The following TENM1 variants were observed in gnomAD, a reference collection of about 807,000 sequenced individuals.
The protein encoded by TENM1 is teneurin transmembrane protein 1, also known as teneurin-1.
TENM1 carries 35 observed loss-of-function variants against 174.8 expected under a neutral mutation model. The observed-to-expected ratio is 0.20, with a 90% confidence interval of 0.15 to 0.27. The LOEUF (loss-of-function observed/expected upper bound fraction) is 0.27, where lower values mean the gene tolerates loss of function less well. Among genes scored for constraint, TENM1 ranks in the 10% least tolerant of loss-of-function variants. TENM1 has a pLI of 1.00. For synonymous variants in TENM1, 781 were observed against 798.7 expected, an observed-to-expected ratio of 0.98 and a Z score of 0.37; for missense variants, 1,633 against 2,130.1, an observed-to-expected ratio of 0.77 and a Z score of 4.59.
chrX:125,124,266 A>G, the TENM1 span, among the ~76,000 whole-genome samples: 1 of 112,509 alleles, frequency 8.9e-6, no homozygotes, highest in Non-Finnish European at 1.9e-5. Context: ...TTAAAATCAC[A>G]ATTAGTGTAA....
Position 124,481,706 on chromosome X carries a change from T to TATATAC in TENM1, c.3949+25_3949+26insGTATAT, listed in dbSNP as rs774737055. 7.5e-5 allele frequency: 29 copies of TATATAC among 385,398 alleles called. 1 individual carries two copies. The South Asian group carries it at 2.3e-3, about 30-fold the overall frequency. The allele number at this position is 385,398 out of a possible 1,213,427, so 31.8% of individuals were successfully genotyped here. On this transcript the variant is annotated intron_variant, in intron 22 of 31. Transcript: ENST00000422452. ...TAGATGACCCAAGGGTATATATATA[T>TATATAC]ATATATTTATTTATTTATTTTTTAC...
At position 124,565,190 on chromosome X, in the gene TENM1, C is replaced by T. The variant is rs184860129; in HGVS notation, c.2263+185G>A. On this transcript the variant is annotated intron_variant, in intron 12 of 31. Transcript: ENST00000422452. ...AAGAAAGGAAATAACACAAGAAATA[C>T]GTAGAATGTCATCGACAAAAGAAGA... Among the ~76,000 whole-genome samples the T allele has an allele frequency of 1.1e-4, 12 of 111,768 alleles. No individual in the cohort carries two copies. In the South Asian group the frequency reaches 1.5e-3, roughly 14 times the overall value.
In TENM1 at chrX:124,599,502, T is replaced by C. The variant is rs1478432301; in HGVS notation, c.2078-33942A>G. 2.7e-5 allele frequency among the ~76,000 whole-genome samples: 3 copies of C among 110,881 alleles called. No homozygotes were observed. The East Asian group carries it at 8.5e-4, about 32-fold the overall frequency. On this transcript the variant is annotated intron_variant, in intron 11 of 31. Transcript: ENST00000422452. Reference sequence around the variant, plus strand: ...TGTGATGAGTGTGATGAGAAATGAATGGGGCCTAAGATTGTGGGACTTTAA... The same window carrying C: ...TGTGATGAGTGTGATGAGAAATGAACGGGGCCTAAGATTGTGGGACTTTAA...
the TENM1 span, among the ~76,000 whole-genome samples, chrX:125,063,956 T>G: frequency 2.7e-3 from 304 of 111,572 alleles, 4 homozygotes; most frequent in African/African-American, 9.5e-3. Flanking sequence ...GTGGCACATA[T>G]ACACCATGGA....
chrX:124,471,346 ATATAT>A (rs2061316500), intron 22 of TENM1, among the ~76,000 whole-genome samples: 2 of 10,834 alleles, frequency 1.8e-4, no homozygotes, highest in African/African-American at 3.0e-4. Context: ...TATATATAAT[ATATAT>A]TATAATATAT....
chrX:125,072,788 C>T, the TENM1 span, among the ~76,000 whole-genome samples: 211 of 111,694 alleles, frequency 1.9e-3, 5 homozygotes, highest in South Asian at 0.076. Flanking sequence ...TCTGCCATGT[C>T]ACCTTGGTTT....
rs148091554 is a variant in TENM1 at position 124,401,910 on chromosome X, T to C, written c.5391+3121A>G. ...TGTGCCTCCCACACTTGCCAGTACATTAGAGTCGATTATTTGTCCCTTTTT... is the reference window on the plus strand; with the variant it reads ...TGTGCCTCCCACACTTGCCAGTACACTAGAGTCGATTATTTGTCCCTTTTT... On this transcript the variant is annotated intron_variant, in intron 27 of 31. Coordinates refer to ENST00000422452, the Ensembl canonical transcript of TENM1. 6.3e-5 allele frequency among the ~76,000 whole-genome samples: 7 copies of C among 111,989 alleles called. No individual in the cohort carries two copies. The East Asian group carries it at 2.0e-3, about 31-fold the overall frequency.
intron 15 of TENM1, among the ~76,000 whole-genome samples, chrX:124,546,348 G>A (rs1264167982): frequency 9.0e-6 from 1 of 111,579 alleles, no homozygotes; most frequent in Non-Finnish European, 1.9e-5. Flanking sequence ...CTTCATATAA[G>A]TAAGCTTATT....
At chrX:124,724,838 A>T (rs1475254485) in intron 4 of TENM1, among the ~76,000 whole-genome samples, 2 of 111,524 alleles carry the variant, frequency 1.8e-5, no homozygotes, top group African/African-American at 6.5e-5. Context: ...CAATATGTTG[A>T]TGTTAAAAAG....
chrX:125,065,386 G>A, the TENM1 span, among the ~76,000 whole-genome samples: 2 of 111,849 alleles, frequency 1.8e-5, no homozygotes, highest in East Asian at 2.8e-4. Context: ...ATCAAACAAG[G>A]GCAATTTTGT....
intron 1 of TENM1, among the ~76,000 whole-genome samples, chrX:124,908,522 A>G (rs2057784265): frequency 9.0e-6 from 1 of 111,274 alleles, no homozygotes; most frequent in South Asian, 3.9e-4. Context: ...TTATGGCTAC[A>G]TAGTATTCCA....
chrX:124,710,220 C>T (rs942887502), intron 4 of TENM1, among the ~76,000 whole-genome samples: 6 of 110,828 alleles, frequency 5.4e-5, no homozygotes, highest in African/African-American at 1.6e-4. Context: ...TGTAGCCTCC[C>T]TACCTCCCCA....
the TENM1 span, among the ~76,000 whole-genome samples, chrX:125,069,083 C>T: frequency 0.18 from 19,864 of 110,552 alleles, 1,387 homozygotes; most frequent in Admixed American, 0.32. Context: ...GGGGGTTGAG[C>T]TTCTAGTGCA....
chrX:124,573,878 GAACT>G (rs1194493488), intron 11 of TENM1, among the ~76,000 whole-genome samples: 1 of 111,991 alleles, frequency 8.9e-6, no homozygotes, highest in African/African-American at 3.2e-5. Flanking sequence ...TGTGGGTGAA[GAACT>G]AACAGAAAAC....
In TENM1 at chrX:124,608,053, C is replaced by T. The variant is rs1188935495; in HGVS notation, c.2077+33738G>A. Among the ~76,000 whole-genome samples the T allele has an allele frequency of 2.7e-5, 3 of 111,115 alleles. No individual in the cohort carries two copies. The Admixed American group carries it at 2.9e-4, about 11-fold the overall frequency. Reference sequence around the variant, plus strand: ...TGGCAAGTATAAGGAGGATAAGTTACATGTGTAAATCGATTGCTACAGTAA... The same window carrying T: ...TGGCAAGTATAAGGAGGATAAGTTATATGTGTAAATCGATTGCTACAGTAA... On this transcript the variant is annotated intron_variant, in intron 11 of 31. Coordinates refer to ENST00000422452, the Ensembl canonical transcript of TENM1.
At chrX:124,948,744 G>A (rs890498013) in intron 1 of TENM1, among the ~76,000 whole-genome samples, 3 of 111,882 alleles carry the variant, frequency 2.7e-5, no homozygotes, top group African/African-American at 9.7e-5. Context: ...AATAGAGATG[G>A]TGTTTCACCA....
intron 3 of TENM1, among the ~76,000 whole-genome samples, chrX:124,887,793 A>G (rs1440897604): frequency 5.4e-5 from 6 of 111,213 alleles, no homozygotes; most frequent in Non-Finnish European, 1.1e-4. Flanking sequence ...AATGGGTCCA[A>G]CAGAGCCATT....
At chrX:125,130,214 C>T in the TENM1 span, among the ~76,000 whole-genome samples, 1,447 of 110,773 alleles carry the variant, frequency 0.013, 27 homozygotes, top group African/African-American at 0.044. Context: ...ATGCTACAAC[C>T]AAAACTTCAA....
the TENM1 span, among the ~76,000 whole-genome samples, chrX:125,033,998 A>G: frequency 1.8e-5 from 2 of 111,391 alleles, no homozygotes; most frequent in Non-Finnish European, 3.8e-5. Context: ...ACCTTTTTGC[A>G]TTTGCCCTTA....
Sources: allele counts gnomAD v4.1 joint callset (sites outside exome capture counted in the v4.1 genomes callset), GRCh38; gene constraint gnomAD v4.1.1; transcripts MANE v1.5; gene names NCBI Gene and HGNC (gene_info 2026-07-23, HGNC 2026-07-21).